The following GRIK1 variants were observed in gnomAD, a reference collection of about 807,000 sequenced individuals.
GRIK1 encodes glutamate receptor ionotropic, kainate 1.
In GRIK1, 69 loss-of-function variants were observed where a neutral mutation model predicts 105.7. The ratio of observed to expected loss-of-function variants is 0.65; its 90% CI spans 0.54 to 0.80. GRIK1 has a LOEUF of 0.80. GRIK1 is among the 30% of genes least tolerant of loss of function. The pLI is 0.00. For synonymous variants in GRIK1, 438 were observed against 431.3 expected (o/e 1.02, Z -0.19); for missense variants, 1,109 against 1,167.3 (o/e 0.95, Z 0.73).
intron 13 of GRIK1, among the ~76,000 whole-genome samples, chr21:29,580,105 A>G (rs1399070484): frequency 7.1e-6 from 1 of 141,500 alleles, no homozygotes; most frequent in African/African-American, 2.8e-5. Context: ...ATATGTGTGT[A>G]TATATACATA....
chr21:29,692,106 G>A (rs1032254282), intron 2 of GRIK1, among the ~76,000 whole-genome samples: 4 of 152,128 alleles, frequency 2.6e-5, no homozygotes, highest in African/African-American at 4.8e-5. Context: ...TTAGCTCTGC[G>A]GTACTAATAT....
At chr21:29,814,893 C>A (rs895480708) in intron 1 of GRIK1, among the ~76,000 whole-genome samples, 3 of 152,216 alleles carry the variant, frequency 2.0e-5, no homozygotes, top group Middle Eastern at 6.8e-3. Flanking sequence ...ACCAGAAAGT[C>A]TTGTTTCAAA....
At chr21:29,925,519 G>C (rs976188148) in intron 1 of GRIK1, among the ~76,000 whole-genome samples, 1 of 152,136 alleles carries the variant, frequency 6.6e-6, no homozygotes, top group Middle Eastern at 3.2e-3. Flanking sequence ...GACAGAGAGG[G>C]TGTGAATACA....
At chr21:29,660,116 A>G (rs944520030) in intron 4 of GRIK1, among the ~76,000 whole-genome samples, 16 of 152,176 alleles carry the variant, frequency 1.1e-4, no homozygotes, top group African/African-American at 3.9e-4. Context: ...CAGTGATCCC[A>G]CATTGGTCCA....
At chr21:29,789,363 T>C (rs1011096985) in intron 1 of GRIK1, among the ~76,000 whole-genome samples, 15 of 151,796 alleles carry the variant, frequency 9.9e-5, no homozygotes, top group African/African-American at 3.1e-4. Flanking sequence ...CAATTAAGTT[T>C]CACTCTTCAC....
chr21:29,849,842 A>G (rs947209830), intron 1 of GRIK1, among the ~76,000 whole-genome samples: 1 of 152,186 alleles, frequency 6.6e-6, no homozygotes, highest in Admixed American at 6.5e-5. Context: ...TAGCATAAAG[A>G]TGCAGAGTGT....
chr21:29,682,942 A>C (rs115097355), intron 3 of GRIK1, among the ~76,000 whole-genome samples: 3,452 of 152,142 alleles, frequency 0.023, 122 homozygotes, highest in African/African-American at 0.078. Flanking sequence ...ACAAAAAAAA[A>C]CCAAATAACC....
intron 1 of GRIK1, among the ~76,000 whole-genome samples, chr21:29,905,026 C>T (rs1373807596): frequency 6.6e-6 from 1 of 152,136 alleles, no homozygotes; most frequent in Non-Finnish European, 1.5e-5. Flanking sequence ...AGCCTCCGAG[C>T]GGTCTCATGA....
In GRIK1 at chr21:29,561,647, C is replaced by T. The variant is rs762577329; in HGVS notation, c.2333G>A (p.Gly778Asp). 4 of 1,611,982 alleles carry T rather than the reference C, an allele frequency of 2.5e-6. No individual in the cohort carries two copies. The South Asian group carries it at 4.4e-5, about 18-fold the overall frequency. The change falls in exon 15 of 18, where the codon GGT (glycine) becomes GAT (aspartate). Residue 778 changes from glycine (G) to aspartate (D), a missense_variant. Transcript: ENST00000327783. Reference sequence around the variant, plus strand: ...ACCAATAGGTGTTCCCACTCCGTAACCTTTGGAGTCAATGAGGCCCCCGAT... The same window carrying T: ...ACCAATAGGTGTTCCCACTCCGTAATCTTTGGAGTCAATGAGGCCCCCGAT... ...TQIGGLIDSK[G>D]YGVGTPIGSP...
intron 1 of GRIK1, among the ~76,000 whole-genome samples, chr21:29,857,867 C>A (rs1373567993): frequency 1.3e-5 from 2 of 152,036 alleles, no homozygotes; most frequent in Non-Finnish European, 2.9e-5. Context: ...ATTTCATCAC[C>A]CCCTAGTCTC....
Position 29,689,845 on chromosome 21 carries a change from T to C in GRIK1, c.427A>G (p.Lys143Glu). ...TRWKHPSVDN[K>E]DLFYINLYPD... Reference sequence around the variant, plus strand: ...TAAAGGTTGATGTAAAACAAATCTTTGTTGTCCACCGAGGGGTGTTTCCAG... The same window carrying C: ...TAAAGGTTGATGTAAAACAAATCTTCGTTGTCCACCGAGGGGTGTTTCCAG... Residue 143 changes from lysine (K) to glutamate (E), a missense_variant, in exon 3 of 18, where the codon AAA becomes GAA. Lys to Glu is a moderately conservative substitution (Grantham distance 56). Around this residue, in one of 5 missense-constraint regions of GRIK1, gnomAD observed 612 missense variants for 586.0 expected, o/e 1.04. Transcript: ENST00000327783. 6.2e-7 allele frequency: 1 copy of C among 1,614,062 alleles called. No homozygotes were observed. The highest frequency in any genetic ancestry group is 1.3e-5 in the African/African-American group (1 of 75,012).
intron 9 of GRIK1, among the ~76,000 whole-genome samples, chr21:29,595,617 G>C (rs1195510092): frequency 2.0e-5 from 3 of 152,076 alleles, no homozygotes; most frequent in African/African-American, 7.2e-5. Flanking sequence ...AAAGATGAAA[G>C]TGAACCTGAC....
chr21:29,678,903 A>G (rs1334430296), intron 3 of GRIK1, among the ~76,000 whole-genome samples: 1 of 152,200 alleles, frequency 6.6e-6, no homozygotes, highest in African/African-American at 2.4e-5. Flanking sequence ...CTTTGAGTCC[A>G]AACTTCAGGC....
intron 4 of GRIK1, among the ~76,000 whole-genome samples, chr21:29,665,710 T>C (rs1014333653): frequency 1.3e-5 from 2 of 152,240 alleles, no homozygotes; most frequent in African/African-American, 4.8e-5. Flanking sequence ...ATAATTTTGT[T>C]TACAGATGAG....
intron 7 of GRIK1, among the ~76,000 whole-genome samples, chr21:29,623,267 C>T (rs777349507): frequency 6.6e-6 from 1 of 152,130 alleles, no homozygotes; most frequent in Non-Finnish European, 1.5e-5. Flanking sequence ...GACTTATTCA[C>T]TATCACAAGA....
intron 8 of GRIK1, among the ~76,000 whole-genome samples, chr21:29,597,400 A>T (rs991365237): frequency 1.3e-5 from 2 of 152,232 alleles, no homozygotes; most frequent in African/African-American, 2.4e-5. Context: ...TTCATCATTC[A>T]CCTAGCCAAA....
chr21:29,602,091 C>A (rs1457178343), intron 7 of GRIK1, among the ~76,000 whole-genome samples: 1 of 152,128 alleles, frequency 6.6e-6, no homozygotes, highest in African/African-American at 2.4e-5. Context: ...AGTTTTGCGG[C>A]CTTGGTTGAG....
At chr21:29,748,737 T>C (rs2065107776) in intron 1 of GRIK1, 1 of 152,160 alleles carries the variant, frequency 6.6e-6, no homozygotes, top group Non-Finnish European at 1.5e-5. Context: ...AAGCTACTGG[T>C]AGAAACAATT....
At chr21:29,589,531 C>T (rs532647417) in intron 10 of GRIK1, among the ~76,000 whole-genome samples, 1 of 151,818 alleles carries the variant, frequency 6.6e-6, no homozygotes, top group African/African-American at 2.4e-5. Context: ...AAGCCTTTCT[C>T]CTTTCTCAGC....
Sources: allele counts gnomAD v4.1 joint callset (sites outside exome capture counted in the v4.1 genomes callset), GRCh38; gene constraint gnomAD v4.1.1; regional missense constraint gnomAD v4.1.1; transcripts MANE v1.5; gene names NCBI Gene and HGNC (gene_info 2026-07-23, HGNC 2026-07-21).